CSTPP1: variants seen among roughly 807,000 people sequenced by gnomAD.
CSTPP1 encodes UPF0705 protein C11orf49.
At chr11:47,122,085 AAAAAAAATAT>A in the CSTPP1 span, among the ~76,000 whole-genome samples, 20 of 82,298 alleles carry the variant, frequency 2.4e-4, no homozygotes, top group African/African-American at 8.0e-4. Flanking sequence ...AAAAAAAAAA[AAAAAAAATAT>A]ATATATATAT....
the CSTPP1 span, among the ~76,000 whole-genome samples, chr11:47,110,743 T>C: frequency 6.6e-6 from 1 of 152,138 alleles, no homozygotes; most frequent in African/African-American, 2.4e-5. Context: ...CTAGCCTTTA[T>C]TATATTCTTG....
At chr11:47,081,165 C>T in the CSTPP1 span, among the ~76,000 whole-genome samples, 2 of 151,916 alleles carry the variant, frequency 1.3e-5, no homozygotes, top group African/African-American at 4.8e-5. Context: ...GTCAGTGCTC[C>T]TTAATTTAAT....
chr11:47,142,113 C>A, the CSTPP1 span, among the ~76,000 whole-genome samples: 3 of 151,460 alleles, frequency 2.0e-5, no homozygotes, highest in African/African-American at 7.3e-5. Flanking sequence ...CGTGGTGATG[C>A]ACGCCAGTAG....
At chr11:46,996,316 T>A in the CSTPP1 span, among the ~76,000 whole-genome samples, 1,129 of 151,912 alleles carry the variant, frequency 7.4e-3, 17 homozygotes, top group African/African-American at 0.026. Flanking sequence ...TTTTATTTTT[T>A]TTTTTGAGAC....
the CSTPP1 span, among the ~76,000 whole-genome samples, chr11:47,037,791 T>C: frequency 1.6e-5 from 2 of 127,632 alleles, no homozygotes; most frequent in African/African-American, 2.5e-5. Context: ...TACCTCTTTC[T>C]ACACAGACAC....
the CSTPP1 span, among the ~76,000 whole-genome samples, chr11:47,158,672 A>G: frequency 8.5e-5 from 13 of 152,146 alleles, no homozygotes; most frequent in Non-Finnish European, 1.6e-4. Context: ...AGTAGCTGGG[A>G]CTACAGGCAT....
the CSTPP1 span, among the ~76,000 whole-genome samples, chr11:47,090,272 A>G: frequency 6.6e-6 from 1 of 152,124 alleles, no homozygotes; most frequent in Non-Finnish European, 1.5e-5. Flanking sequence ...GGCGTGAGCC[A>G]CTGCACCTGG....
the CSTPP1 span, among the ~76,000 whole-genome samples, chr11:46,994,565 T>C: frequency 6.6e-6 from 1 of 152,222 alleles, no homozygotes; most frequent in Non-Finnish European, 1.5e-5. Context: ...TCTGTTTATA[T>C]GATGGATTAC....
the CSTPP1 span, among the ~76,000 whole-genome samples, chr11:46,991,866 G>A: frequency 2.6e-5 from 4 of 151,992 alleles, no homozygotes; most frequent in African/African-American, 9.7e-5. Context: ...TCAGCCTCCC[G>A]AGTAGCTGGG....
At chr11:47,019,617 G>A in the CSTPP1 span, among the ~76,000 whole-genome samples, 1 of 152,074 alleles carries the variant, frequency 6.6e-6, no homozygotes, top group African/African-American at 2.4e-5. Context: ...AGAACATAAC[G>A]ACATTTATTG....
the CSTPP1 span, among the ~76,000 whole-genome samples, chr11:47,074,850 G>A: frequency 1.3e-5 from 2 of 152,152 alleles, no homozygotes; most frequent in East Asian, 3.8e-4. Flanking sequence ...TATACAGGGA[G>A]CTCCCTCATT....
At chr11:47,000,322 C>T in the CSTPP1 span, among the ~76,000 whole-genome samples, 1 of 152,206 alleles carries the variant, frequency 6.6e-6, no homozygotes, top group East Asian at 1.9e-4. Context: ...GAGAGAAAAA[C>T]AGGATGAAAT....
the CSTPP1 span, chr11:47,160,858 G>C: frequency 2.0e-6 from 1 of 496,304 alleles, no homozygotes; most frequent in East Asian, 3.7e-5. Context: ...CCACCACCTG[G>C]TGTTGGAAGG....
the CSTPP1 span, among the ~76,000 whole-genome samples, chr11:47,006,165 A>G: frequency 1.3e-5 from 2 of 152,208 alleles, no homozygotes; most frequent in Non-Finnish European, 2.9e-5. Context: ...TAACTGCCAA[A>G]ATCAAGAACT....
chr11:47,043,386 C>G, the CSTPP1 span, among the ~76,000 whole-genome samples: 1 of 151,124 alleles, frequency 6.6e-6, no homozygotes, highest in East Asian at 2.0e-4. Flanking sequence ...ATTAAAAAAA[C>G]AAAAACCTTG....
At chr11:47,162,857 G>C in the CSTPP1 span, among the ~76,000 whole-genome samples, 1 of 152,150 alleles carries the variant, frequency 6.6e-6, no homozygotes, top group Non-Finnish European at 1.5e-5. Flanking sequence ...AACCCCTGCA[G>C]AGCTGAGGCC....
chr11:47,002,307 C>G, the CSTPP1 span, among the ~76,000 whole-genome samples: 4 of 152,142 alleles, frequency 2.6e-5, no homozygotes, highest in Non-Finnish European at 5.9e-5. Flanking sequence ...TGGCTCTTTT[C>G]TGTATTACTA....
At chr11:46,980,335 G>A in the CSTPP1 span, among the ~76,000 whole-genome samples, 1 of 152,170 alleles carries the variant, frequency 6.6e-6, no homozygotes, top group Non-Finnish European at 1.5e-5. Context: ...CCTCTGGCGT[G>A]TCTTTTAGTA....
At chr11:47,095,341 CT>C in the CSTPP1 span, among the ~76,000 whole-genome samples, 1 of 152,156 alleles carries the variant, frequency 6.6e-6, no homozygotes, top group Non-Finnish European at 1.5e-5. Flanking sequence ...TACAGGTTTC[CT>C]TTTTCCTTTG....
Sources: allele counts gnomAD v4.1 joint callset (sites outside exome capture counted in the v4.1 genomes callset), GRCh38; gene constraint gnomAD v4.1.1; transcripts MANE v1.5; gene names NCBI Gene and HGNC (gene_info 2026-07-23, HGNC 2026-07-21).